MAP4K3: variants seen among roughly 807,000 people sequenced by gnomAD.
MAP4K3 encodes MAPK/ERK kinase kinase kinase 3.
In MAP4K3, 94 loss-of-function variants were observed where a neutral mutation model predicts 143.5. The ratio of observed to expected loss-of-function variants is 0.65; its 90% CI spans 0.55 to 0.78. The LOEUF (loss-of-function observed/expected upper bound fraction) is 0.78, where lower values mean the gene tolerates loss of function less well. Ranked by LOEUF, MAP4K3 falls within the 30% of genes least tolerant of loss-of-function variation. The probability of loss-of-function intolerance (pLI) is 0.00; values close to 1 mark genes in which losing one functional copy is unlikely to be tolerated. For synonymous variants in MAP4K3, 416 were observed against 347.2 expected (o/e 1.20, Z -2.20); for missense variants, 1,077 against 1,068.1 (o/e 1.01, Z -0.12).
Position 39,254,457 on chromosome 2 carries a change from G to C in MAP4K3, c.2534C>G (p.Ser845Cys). 1 of 1,613,472 alleles carries C rather than the reference G, an allele frequency of 6.2e-7. No individual in the cohort carries two copies. Among genetic ancestry groups the C allele is most frequent in the African/African-American group, 1.3e-5 (1 of 75,016 alleles). The change falls in exon 32 of 34, where the codon TCT (serine) becomes TGT (cysteine). Residue 845 changes from serine (S) to cysteine (C), a missense_variant. Ser to Cys is a moderately radical substitution (Grantham distance 112, BLOSUM62 -1). Coordinates refer to ENST00000263881, the MANE Select transcript of MAP4K3 (RefSeq NM_003618.4). Reference sequence around the variant, plus strand: ...TGGACATAATTTACTTACCTCATTAGATCTAAAACTTCTACCTTGCATTCC... The same window carrying C: ...TGGACATAATTTACTTACCTCATTACATCTAAAACTTCTACCTTGCATTCC... The part of the protein sequence containing the change: ...KHGMQGRSFR[S>C]NEVTQEISDS...
At chr2:39,400,656 AATTT>A (rs1280848573) in intron 1 of MAP4K3, among the ~76,000 whole-genome samples, 3 of 151,786 alleles carry the variant, frequency 2.0e-5, no homozygotes, top group Non-Finnish European at 4.4e-5. Flanking sequence ...TTAATAAGTG[AATTT>A]ATTATTATAA....
intron 4 of MAP4K3, among the ~76,000 whole-genome samples, chr2:39,340,304 A>T (rs996613256): frequency 1.3e-5 from 2 of 152,228 alleles, no homozygotes; most frequent in African/African-American, 4.8e-5. Flanking sequence ...AGATTATTAC[A>T]CATTGCCACG....
At chr2:39,385,551 C>CATATATATATATATATATATAT in intron 1 of MAP4K3, among the ~76,000 whole-genome samples, 1 of 111,256 alleles carries the variant, frequency 9.0e-6, no homozygotes, top group Admixed American at 9.5e-5. Context: ...GAGCGTTCTT[C>CATATATATATATATATATATAT]ATATATATAT....
chr2:39,372,269 T>A (rs1005404117), intron 2 of MAP4K3, among the ~76,000 whole-genome samples: 1 of 151,532 alleles, frequency 6.6e-6, no homozygotes, highest in East Asian at 1.9e-4. Flanking sequence ...AAAACATTGA[T>A]GTAAGAAATT....
chr2:39,409,134 T>A (rs1364348735), intron 1 of MAP4K3, among the ~76,000 whole-genome samples: 1 of 152,192 alleles, frequency 6.6e-6, no homozygotes, highest in African/African-American at 2.4e-5. Flanking sequence ...TAGACACTTA[T>A]GATGATCTAC....
chr2:39,395,887 G>T (rs1558686045), intron 1 of MAP4K3, among the ~76,000 whole-genome samples: 1 of 151,374 alleles, frequency 6.6e-6, no homozygotes, highest in Non-Finnish European at 1.5e-5. Flanking sequence ...TTTATTTGAA[G>T]CCTGAAAGCT....
intron 12 of MAP4K3, among the ~76,000 whole-genome samples, chr2:39,319,540 G>A (rs554066689): frequency 9.9e-4 from 150 of 152,088 alleles, no homozygotes; most frequent in Non-Finnish European, 1.6e-3. Context: ...CCTTGTGTAC[G>A]TCAAGGGACA....
chr2:39,430,016 G>A (rs1665236605), intron 1 of MAP4K3, among the ~76,000 whole-genome samples: 1 of 152,202 alleles, frequency 6.6e-6, no homozygotes, highest in Non-Finnish European at 1.5e-5. Flanking sequence ...AACAATAATT[G>A]TGGGTGGGTG....
intron 1 of MAP4K3, among the ~76,000 whole-genome samples, chr2:39,378,958 TTAAGA>T (rs889249376): frequency 2.0e-5 from 3 of 151,890 alleles, no homozygotes; most frequent in Non-Finnish European, 2.9e-5. Flanking sequence ...CTTTGTCAAT[TTAAGA>T]TATTTTATAA....
intron 24 of MAP4K3, among the ~76,000 whole-genome samples, chr2:39,273,937 T>C (rs1681142151): frequency 7.0e-6 from 1 of 143,690 alleles, no homozygotes; most frequent in African/African-American, 2.6e-5. Context: ...TATCAGTACG[T>C]GTTATCAAAG....
chr2:39,364,040 T>C (rs72801461), intron 2 of MAP4K3, among the ~76,000 whole-genome samples: 1 of 148,334 alleles, frequency 6.7e-6, no homozygotes. Context: ...GTCCAGGATA[T>C]GAATACCCCC....
intron 1 of MAP4K3, among the ~76,000 whole-genome samples, chr2:39,391,368 A>AAAG (rs1303639917): frequency 1.3e-5 from 2 of 149,504 alleles, no homozygotes; most frequent in Non-Finnish European, 3.0e-5. Flanking sequence ...CAAAAAAAAA[A>AAAG]AAAAAAAAAA....
chr2:39,332,025 G>A lies in MAP4K3; in HGVS notation c.458-36C>T, dbSNP rs375668604. The stretch of plus-strand genomic sequence containing the variant: ...AAATGAGAAACATTTAGGAAACTGA[G>A]AGAAAATAAAATTGTTTAAGGCAAC... On this transcript the variant is annotated intron_variant, in intron 7 of 33. Coordinates refer to ENST00000263881, the MANE Select transcript of MAP4K3 (RefSeq NM_003618.4). 2.0e-4 allele frequency: 243 copies of A among 1,239,204 alleles called. 2 individuals carry two copies. The African/African-American group carries it at 3.4e-3, about 17-fold the overall frequency. 76.8% of individuals were successfully genotyped at this position (1,239,204 alleles called of 1,614,324 possible).
intron 6 of MAP4K3, among the ~76,000 whole-genome samples, chr2:39,335,663 A>T (rs1251603206): frequency 6.6e-6 from 1 of 152,192 alleles, no homozygotes; most frequent in African/African-American, 2.4e-5. Flanking sequence ...CTCCCAGATC[A>T]TCTACATGCC....
intron 28 of MAP4K3, among the ~76,000 whole-genome samples, chr2:39,264,012 T>C (rs1393991495): frequency 2.0e-5 from 3 of 152,206 alleles, no homozygotes; most frequent in Non-Finnish European, 4.4e-5. Context: ...ATAACTGATA[T>C]GATGAAACAT....
chr2:39,393,223 G>T (rs1482332016), intron 1 of MAP4K3, among the ~76,000 whole-genome samples: 2 of 152,110 alleles, frequency 1.3e-5, no homozygotes, highest in Non-Finnish European at 2.9e-5. Flanking sequence ...TGAATGTAGA[G>T]AATGAAACAC....
chr2:39,341,981 C>T (rs1236258951), intron 4 of MAP4K3, among the ~76,000 whole-genome samples: 2 of 151,970 alleles, frequency 1.3e-5, no homozygotes, highest in Non-Finnish European at 2.9e-5. Context: ...TACTCTTTCA[C>T]CTGGTCTTCA....
At chr2:39,365,245 T>G (rs1218259686) in intron 2 of MAP4K3, among the ~76,000 whole-genome samples, 1 of 152,112 alleles carries the variant, frequency 6.6e-6, no homozygotes, top group African/African-American at 2.4e-5. Flanking sequence ...AATGTTAATG[T>G]TGGTCAGCTG....
intron 1 of MAP4K3, among the ~76,000 whole-genome samples, chr2:39,404,791 T>C (rs1178384251): frequency 1.3e-5 from 2 of 151,996 alleles, no homozygotes; most frequent in African/African-American, 4.8e-5. Flanking sequence ...CTGGCTAATT[T>C]TATACTTTTA....
Sources: allele counts gnomAD v4.1 joint callset (sites outside exome capture counted in the v4.1 genomes callset), GRCh38; gene constraint gnomAD v4.1.1; transcripts MANE v1.5; gene names NCBI Gene and HGNC (gene_info 2026-07-23, HGNC 2026-07-21).